The following CNIH3 variants were observed in gnomAD, a reference collection of about 807,000 sequenced individuals.
The protein encoded by CNIH3 is cornichon family AMPA receptor auxiliary protein 3, also known as protein cornichon homolog 3.
A neutral mutation model predicts 24.1 loss-of-function variants in CNIH3; 14 were observed. That is an observed-to-expected ratio of 0.58 (90% confidence interval 0.38 to 0.91). CNIH3 has a LOEUF of 0.91. CNIH3 is among the 40% of genes least tolerant of loss of function. CNIH3 has a pLI of 0.00. For synonymous variants in CNIH3, 68 were observed against 73.8 expected (o/e 0.92, Z 0.40); for missense variants, 178 against 196.8 (o/e 0.90, Z 0.57).
At chr1:224,736,541 C>A (rs1196297465) in intron 5 of CNIH3, among the ~76,000 whole-genome samples, 1 of 152,234 alleles carries the variant, frequency 6.6e-6, no homozygotes, top group Non-Finnish European at 1.5e-5. Flanking sequence ...CTTATAGCTA[C>A]CTATTCAAAC....
intron 1 of CNIH3, among the ~76,000 whole-genome samples, chr1:224,464,852 G>A (rs1426883920): frequency 6.6e-6 from 1 of 151,824 alleles, no homozygotes; most frequent in African/African-American, 2.4e-5. Flanking sequence ...CTGAAGTGCA[G>A]TGGTGTGATC....
chr1:224,733,063 A>T (rs1369752887), intron 4 of CNIH3, among the ~76,000 whole-genome samples: 1 of 152,058 alleles, frequency 6.6e-6, no homozygotes, highest in African/African-American at 2.4e-5. Context: ...GACATTTCAC[A>T]TACAGAGAAA....
chr1:224,553,732 G>A (rs1469517737), intron 3 of CNIH3, among the ~76,000 whole-genome samples: 1 of 145,524 alleles, frequency 6.9e-6, no homozygotes, highest in Non-Finnish European at 1.5e-5. Context: ...TGGAATTTGG[G>A]TTTTTCTTTC....
At chr1:224,701,254 T>C (rs975205535) in intron 3 of CNIH3, among the ~76,000 whole-genome samples, 9 of 151,804 alleles carry the variant, frequency 5.9e-5, no homozygotes, top group African/African-American at 2.2e-4. Flanking sequence ...AGATTGGTTC[T>C]CAGTGGCTAT....
At chr1:224,617,404 C>T (rs1683063268) in intron 1 of CNIH3, 149 bp downstream of exon 1, 8 of 905,974 alleles carry the variant, frequency 8.8e-6, no homozygotes, top group Middle Eastern at 2.3e-4. Context: ...AGGCAGTTCG[C>T]TGCATCCCGC....
chr1:224,492,327 G>A (rs975929446), intron 1 of CNIH3, among the ~76,000 whole-genome samples: 3 of 152,204 alleles, frequency 2.0e-5, no homozygotes, highest in Non-Finnish European at 2.9e-5. Context: ...TCCCCAACCT[G>A]TAAAGCATAG....
chr1:224,501,583 A>T (rs962292036), intron 1 of CNIH3, among the ~76,000 whole-genome samples: 5 of 140,892 alleles, frequency 3.5e-5, no homozygotes, highest in Admixed American at 7.2e-5. Context: ...TTTATACAGA[A>T]TTTTTTTTTT....
At chr1:224,478,756 C>T (rs1350591678) in intron 1 of CNIH3, among the ~76,000 whole-genome samples, 1 of 152,106 alleles carries the variant, frequency 6.6e-6, no homozygotes, top group Non-Finnish European at 1.5e-5. Flanking sequence ...ATACCTAAGA[C>T]TGGGCAATTT....
chr1:224,607,210 C>A (rs1455562044), intron 3 of CNIH3, among the ~76,000 whole-genome samples: 2 of 152,148 alleles, frequency 1.3e-5, no homozygotes, highest in Non-Finnish European at 2.9e-5. Context: ...ATGGTAAGTG[C>A]TGTAAATAAA....
intron 1 of CNIH3, among the ~76,000 whole-genome samples, chr1:224,670,564 C>T (rs1374458050): frequency 1.3e-5 from 2 of 152,152 alleles, no homozygotes; most frequent in Non-Finnish European, 2.9e-5. Context: ...GTGAGAGTGC[C>T]AGGACAGGTC....
intron 3 of CNIH3, among the ~76,000 whole-genome samples, chr1:224,554,996 A>G (rs762349570): frequency 6.6e-6 from 1 of 152,106 alleles, no homozygotes; most frequent in African/African-American, 2.4e-5. Flanking sequence ...ATATGGCACA[A>G]TTTTATATCA....
Position 224,730,510 on chromosome 1 carries a change from C to A in CNIH3, c.247C>A (p.Leu83Met). Residue 83 changes from leucine to methionine, a missense_variant, in exon 4 of 6, where the codon CTG becomes ATG. Leu to Met is a conservative substitution (Grantham distance 15, BLOSUM62 2). Transcript: ENST00000272133. ...SIHSLFCIMFLCAQEWLTLGL... is the reference protein window; with the variant it reads ...SIHSLFCIMFMCAQEWLTLGL... The stretch of plus-strand genomic sequence containing the variant: ...CCATAGCCTCTTCTGCATTATGTTC[C>A]TGTGTGCGCAAGAGTGGCTCACGCT... 6.4e-7 allele frequency: 1 copy of A among 1,562,262 alleles called. No homozygotes were observed. Among genetic ancestry groups the A allele is most frequent in the Non-Finnish European group, 8.7e-7 (1 of 1,151,730 alleles).
chr1:224,569,464 C>T (rs572433433), intron 4 of CNIH3, among the ~76,000 whole-genome samples: 1 of 152,268 alleles, frequency 6.6e-6, no homozygotes, highest in South Asian at 2.1e-4. Context: ...TTTTAAAACA[C>T]GATCTAGACA....
chr1:224,656,419 G>A (rs1442513623), intron 1 of CNIH3, among the ~76,000 whole-genome samples: 2 of 152,184 alleles, frequency 1.3e-5, no homozygotes, highest in African/African-American at 4.8e-5. Flanking sequence ...TACCAAAAAC[G>A]TCTTCCTGAT....
At chr1:224,653,638 T>G (rs1003004907) in intron 1 of CNIH3, among the ~76,000 whole-genome samples, 1 of 152,208 alleles carries the variant, frequency 6.6e-6, no homozygotes, top group Admixed American at 6.5e-5. Flanking sequence ...CAGTCTCTCT[T>G]TAGTATTCAC....
At chr1:224,726,668 A>G (rs1030777622) in intron 3 of CNIH3, among the ~76,000 whole-genome samples, 2 of 152,100 alleles carry the variant, frequency 1.3e-5, no homozygotes, top group African/African-American at 4.8e-5. Context: ...CGCCCTTTCC[A>G]ACTTCCCTTT....
At chr1:224,711,250 A>G (rs1396469738) in intron 3 of CNIH3, among the ~76,000 whole-genome samples, 2 of 152,178 alleles carry the variant, frequency 1.3e-5, no homozygotes, top group African/African-American at 2.4e-5. Flanking sequence ...ACATATTTAA[A>G]TAATGTTTCT....
intron 1 of CNIH3, among the ~76,000 whole-genome samples, chr1:224,639,144 C>A (rs868377809): frequency 6.6e-6 from 1 of 152,246 alleles, no homozygotes; most frequent in African/African-American, 2.4e-5. Flanking sequence ...GCAAGGACCC[C>A]AGGGTCATGG....
At chr1:224,619,250 T>G (rs1182223783) in intron 1 of CNIH3, among the ~76,000 whole-genome samples, 1 of 152,198 alleles carries the variant, frequency 6.6e-6, no homozygotes, top group Non-Finnish European at 1.5e-5. Flanking sequence ...CATTGAGTGG[T>G]TTGTGCAGCT....
Sources: allele counts gnomAD v4.1 joint callset (sites outside exome capture counted in the v4.1 genomes callset), GRCh38; gene constraint gnomAD v4.1.1; transcripts MANE v1.5; gene names NCBI Gene and HGNC (gene_info 2026-07-23, HGNC 2026-07-21).